The following MYO1E variants were observed in gnomAD, a reference collection of about 807,000 sequenced individuals.
MYO1E encodes myosin IE.
Under a neutral mutation model 151.1 loss-of-function variants are expected in MYO1E, and 68 were observed. That is an observed-to-expected ratio of 0.45 (90% CI 0.37 to 0.55). The LOEUF is 0.55. MYO1E is among the 20% of genes least tolerant of loss of function. MYO1E has a pLI of 0.00. For synonymous variants in MYO1E, 601 were observed against 501.7 expected (o/e 1.20, Z -2.64); for missense variants, 1,363 against 1,389.3 (o/e 0.98, Z 0.30).
intron 15 of MYO1E, among the ~76,000 whole-genome samples, chr15:59,203,776 T>C (rs527961801): frequency 1.4e-4 from 21 of 152,368 alleles, no homozygotes; most frequent in African/African-American, 4.8e-4. Flanking sequence ...TTAGTGTCCC[T>C]GGTGTCTGAA....
intron 26 of MYO1E, among the ~76,000 whole-genome samples, chr15:59,152,984 G>A (rs901577246): frequency 1.3e-5 from 2 of 152,092 alleles, no homozygotes; most frequent in Non-Finnish European, 2.9e-5. Flanking sequence ...CCATCCCTAC[G>A]ACTCCACAGG....
At position 59,163,126 on chromosome 15, in the gene MYO1E, G is replaced by A. The variant is rs369112344; in HGVS notation, c.2627+31C>T. The A allele has an allele frequency of 1.0e-4, 162 of 1,612,516 alleles. 1 individual carries two copies. Among genetic ancestry groups the A allele is most frequent in the Non-Finnish European group, 1.3e-4 (154 of 1,179,138 alleles). On this transcript the variant is annotated intron_variant, in intron 23 of 27. Transcript: ENST00000288235. The stretch of plus-strand genomic sequence containing the variant: ...GATCAAGACCCCTTTTTAGCTACAC[G>A]CAGAAGTCTGGGTCCCAGATCCGGA...
intron 26 of MYO1E, among the ~76,000 whole-genome samples, chr15:59,148,388 G>C (rs1229136793): frequency 1.3e-5 from 2 of 152,336 alleles, no homozygotes; most frequent in East Asian, 1.9e-4. Flanking sequence ...GGTGTGCCTA[G>C]TCTATGTCGG....
At chr15:59,265,230 A>G (rs2080246400) in intron 2 of MYO1E, among the ~76,000 whole-genome samples, 2 of 152,154 alleles carry the variant, frequency 1.3e-5, no homozygotes, top group South Asian at 4.1e-4. Context: ...TGTAAAGGGA[A>G]TGTGGTTACT....
intron 4 of MYO1E, among the ~76,000 whole-genome samples, chr15:59,239,213 T>C (rs1343968592): frequency 9.8e-5 from 10 of 102,202 alleles, no homozygotes; most frequent in African/African-American, 1.7e-4. Context: ...TCAAAAAATA[T>C]ATATATATAT....
chr15:59,134,405 G>C lies in MYO1E; in HGVS notation c.*2975C>G, dbSNP rs1243201296. 6.6e-6 allele frequency: 1 copy of C among 152,258 alleles called. No homozygotes were observed. Among genetic ancestry groups the C allele is most frequent in the Non-Finnish European group, 1.5e-5 (1 of 68,086 alleles). The allele number at this position is 152,258 out of a possible 1,614,324, so 9.4% of individuals were successfully genotyped here. The stretch of plus-strand genomic sequence containing the variant: ...GGCCCTTTTGCATGTCTTTAAGCCA[G>C]TTGGCCAGGTACGGTGGCTCTTGCC... On this transcript the variant is annotated 3_prime_UTR_variant, in exon 28 of 28. Transcript: ENST00000288235.
chr15:59,138,489 A>G (rs2079387933), intron 26 of MYO1E, 122 bp from the exon 27 acceptor site: 1 of 1,073,146 alleles, frequency 9.3e-7, no homozygotes, highest in Admixed American at 2.1e-5. Context: ...CCATCCTTAG[A>G]AGACATGTGG....
chr15:59,165,168 T>G (rs1296223918), intron 22 of MYO1E, among the ~76,000 whole-genome samples: 1 of 152,156 alleles, frequency 6.6e-6, no homozygotes, highest in Non-Finnish European at 1.5e-5. Context: ...GGAAAGGGGC[T>G]TGGTAATCCA....
intron 14 of MYO1E, chr15:59,207,405 C>T: frequency 1.2e-6 from 2 of 1,614,026 alleles, no homozygotes; most frequent in African/African-American, 2.7e-5. Flanking sequence ...GAGAAACGCG[C>T]CTTAATTTAG....
chr15:59,178,493 T>C lies in MYO1E; in HGVS notation c.1949A>G (p.Glu650Gly). ...TKATWPSWQGEEKQGVLHLLQ... is the reference protein window; with the variant it reads ...TKATWPSWQGGEKQGVLHLLQ... ...CAGGTGCAGGACGCCTTGCTTCTCCTCTCCCTGCCAAGAAGGCCAGGTGGC... is the reference window on the plus strand; with the variant it reads ...CAGGTGCAGGACGCCTTGCTTCTCCCCTCCCTGCCAAGAAGGCCAGGTGGC... Residue 650 changes from glutamate (E) to glycine (G), a missense_variant, in exon 19 of 28, where the codon GAG becomes GGG. Coordinates refer to ENST00000288235, the MANE Select transcript of MYO1E (RefSeq NM_004998.4). 1 of 1,614,112 alleles carries C rather than the reference T, an allele frequency of 6.2e-7. No individual in the cohort carries two copies. The highest frequency in any genetic ancestry group is 8.5e-7 in the Non-Finnish European group (1 of 1,179,994).
rs182211938 is a variant in MYO1E at position 59,357,140 on chromosome 15, A to C, written c.3+15358T>G. ...AGGCTGGTCTTGAACTCCTGACCTC[A>C]GGTGATCCACCCACCTCAGCCTCTC... On this transcript the variant is annotated intron_variant, in intron 1 of 27. Transcript: ENST00000288235. 4.1e-3 allele frequency among the ~76,000 whole-genome samples: 616 copies of C among 152,006 alleles called. 3 individuals are homozygous for C. Among genetic ancestry groups the C allele is most frequent in the Non-Finnish European group, 5.9e-3 (402 of 67,958 alleles).
intron 5 of MYO1E, among the ~76,000 whole-genome samples, chr15:59,234,913 T>G (rs1235159575): frequency 6.6e-6 from 1 of 151,458 alleles, no homozygotes; most frequent in Non-Finnish European, 1.5e-5. Context: ...TAACATTACA[T>G]AATTCTGATT....
At chr15:59,202,942 C>T (rs1183734199) in intron 15 of MYO1E, among the ~76,000 whole-genome samples, 3 of 152,236 alleles carry the variant, frequency 2.0e-5, no homozygotes, top group African/African-American at 2.4e-5. Flanking sequence ...GATGGGGTTT[C>T]GCCATGTTTC....
chr15:59,268,717 G>GTTTTTTTTTTTTTTTTTTTTT (rs2080270829), intron 2 of MYO1E, among the ~76,000 whole-genome samples: 1 of 9,684 alleles, frequency 1.0e-4, no homozygotes, highest in Non-Finnish European at 6.7e-4. Context: ...GGGTGACTTT[G>GTTTTTTTTTTTTTTTTTTTTT]GTATTTTTTT....
chr15:59,324,423 C>G (rs1288596371), intron 1 of MYO1E, among the ~76,000 whole-genome samples: 1 of 152,168 alleles, frequency 6.6e-6, no homozygotes, highest in Non-Finnish European at 1.5e-5. Context: ...CCAAAATGAC[C>G]TGCTTCTGGG....
At chr15:59,164,970 G>C (rs1334837277) in intron 22 of MYO1E, among the ~76,000 whole-genome samples, 2 of 152,162 alleles carry the variant, frequency 1.3e-5, no homozygotes, top group Non-Finnish European at 2.9e-5. Context: ...AGGTATGACA[G>C]AGTGGTTTGC....
intron 4 of MYO1E, among the ~76,000 whole-genome samples, chr15:59,248,762 C>T (rs762018444): frequency 3.1e-4 from 47 of 152,154 alleles, no homozygotes; most frequent in Non-Finnish European, 6.5e-4. Flanking sequence ...CAGACTAGAG[C>T]AACACCCTTA....
At chr15:59,138,912 G>T (rs1420389358) in intron 26 of MYO1E, among the ~76,000 whole-genome samples, 1 of 152,072 alleles carries the variant, frequency 6.6e-6, no homozygotes, top group Non-Finnish European at 1.5e-5. Context: ...CATATTCCAC[G>T]GTCACATGCT....
intron 18 of MYO1E, among the ~76,000 whole-genome samples, chr15:59,181,774 T>C (rs2079662644): frequency 2.0e-5 from 3 of 152,254 alleles, no homozygotes; most frequent in African/African-American, 7.2e-5. Context: ...GGAGGGTGTA[T>C]AATACATGCA....
Sources: gnomAD v4.1 joint callset for allele counts (sites outside exome capture counted in the v4.1 genomes callset) on GRCh38, gnomAD v4.1.1 for gene constraint, MANE v1.5 for transcripts, NCBI Gene and HGNC (gene_info 2026-07-23, HGNC 2026-07-21) for gene names.